Variants in HECA observed in about 807,000 individuals in gnomAD.
HECA encodes headcase protein homolog.
A neutral mutation model predicts 37.6 loss-of-function variants in HECA; 13 were observed. That is an observed-to-expected ratio of 0.35 (90% confidence interval 0.23 to 0.55). The LOEUF (loss-of-function observed/expected upper bound fraction) is 0.55, where lower values mean the gene tolerates loss of function less well. HECA is among the 20% of genes least tolerant of loss of function. HECA has a pLI of 0.90. For synonymous variants in HECA, 307 were observed against 291.5 expected (o/e 1.05, Z -0.54); for missense variants, 527 against 701.9 (o/e 0.75, Z 2.82).
In HECA at chr6:139,177,741, A is replaced by G. The variant is rs1428341809; in HGVS notation, c.*636A>G. On this transcript the variant is annotated 3_prime_UTR_variant, in exon 4 of 4. Transcript: ENST00000367658. The surrounding 1 kb of genome is among the most constrained non-coding windows in gnomAD (Gnocchi z 4.9). ...CATATGAAAGATATTAGTGTTGCAA[A>G]TATGTTTAGGTAAACTGACCTATAA... The G allele has an allele frequency of 6.6e-6, 1 of 152,388 alleles. No individual in the cohort carries two copies. Among genetic ancestry groups the G allele is most frequent in the Non-Finnish European group, 1.5e-5 (1 of 68,046 alleles). The allele number at this position is 152,388 out of a possible 1,614,324, so 9.4% of individuals were successfully genotyped here.
In HECA at chr6:139,180,651, T is replaced by C. The variant is rs1198446771; in HGVS notation, c.*3546T>C. ...TCAGTAAAGATTTCTTGTCAAGATGTCTTGGATTGCACTTTTGTTGAGGAA... is the reference window on the plus strand; with the variant it reads ...TCAGTAAAGATTTCTTGTCAAGATGCCTTGGATTGCACTTTTGTTGAGGAA... On this transcript the variant is annotated 3_prime_UTR_variant, in exon 4 of 4. Coordinates refer to ENST00000367658, the MANE Select transcript of HECA (RefSeq NM_016217.3). The C allele has an allele frequency of 6.6e-6, 1 of 152,658 alleles. No homozygotes were observed. The highest frequency in any genetic ancestry group is 1.5e-5 in the Non-Finnish European group (1 of 68,042). 9.5% of individuals were successfully genotyped at this position (152,658 alleles called of 1,614,324 possible).
intron 1 of HECA, among the ~76,000 whole-genome samples, chr6:139,143,744 C>T (rs1206597433): frequency 1.3e-5 from 2 of 151,808 alleles, no homozygotes; most frequent in Non-Finnish European, 2.9e-5. Flanking sequence ...GCCTGTAATC[C>T]CAGCTACTCG....
intron 1 of HECA, among the ~76,000 whole-genome samples, chr6:139,152,643 T>G (rs1774665301): frequency 6.6e-6 from 1 of 152,166 alleles, no homozygotes; most frequent in African/African-American, 2.4e-5. Context: ...ACAGATAAGC[T>G]TAAGTGATCT....
intron 1 of HECA, among the ~76,000 whole-genome samples, chr6:139,138,726 TTGAG>T (rs774598764): frequency 1.3e-5 from 2 of 152,204 alleles, no homozygotes; most frequent in Admixed American, 6.5e-5. Context: ...GTTGTGCATC[TTGAG>T]TAAGTTTAAT....
chr6:139,154,290 T>C (rs550500197), intron 1 of HECA, among the ~76,000 whole-genome samples: 9 of 152,282 alleles, frequency 5.9e-5, no homozygotes, highest in African/African-American at 1.7e-4. Context: ...CCCACAGATA[T>C]AGAGGACAGA....
At chr6:139,170,362 G>A (rs1774955408) in intron 2 of HECA, 1 of 152,190 alleles carries the variant, frequency 6.6e-6, no homozygotes, top group African/African-American at 2.4e-5. Flanking sequence ...TTTATAAAAT[G>A]TAACTAACTT....
chr6:139,149,624 T>TG (rs1774628086), intron 1 of HECA, among the ~76,000 whole-genome samples: 2 of 152,054 alleles, frequency 1.3e-5, no homozygotes, highest in African/African-American at 2.4e-5. Flanking sequence ...TTCTGCTGCT[T>TG]TGGGGGGAGC....
chr6:139,154,352 C>G (rs1420813010), intron 1 of HECA, among the ~76,000 whole-genome samples: 3 of 149,434 alleles, frequency 2.0e-5, no homozygotes, highest in African/African-American at 7.4e-5. Flanking sequence ...AGAATGTGTG[C>G]TGCACCAAAA....
At chr6:139,174,913 C>T (rs921668898) in intron 3 of HECA, among the ~76,000 whole-genome samples, 3 of 151,976 alleles carry the variant, frequency 2.0e-5, no homozygotes, top group Non-Finnish European at 4.4e-5. Context: ...AGTATATTTT[C>T]TAAGATTCTG....
chr6:139,145,995 T>C (rs145543815), intron 1 of HECA, among the ~76,000 whole-genome samples: 2 of 151,960 alleles, frequency 1.3e-5, no homozygotes, highest in East Asian at 3.9e-4. Context: ...CTCTTTAATT[T>C]TTATGCCACA....
chr6:139,169,896 G>T (rs561358397), intron 2 of HECA: 10 of 152,288 alleles, frequency 6.6e-5, no homozygotes, highest in African/African-American at 2.4e-4. Context: ...CTTTTTGATG[G>T]AAAGTGCTGC....
chr6:139,167,269 C>T lies in HECA; in HGVS notation c.1257C>T (p.Phe419=), dbSNP rs1774904531. ...EQFPLVDGTL[F]LSPSRHDEIE... ...TCCCACTGGTGGATGGAACTTTGTT[C>T]CTAAGCCCGTCGAGACATGATGAGA... Residue 419 remains phenylalanine (F), a synonymous_variant, in exon 2 of 4, where the codon TTC becomes TTT. Transcript: ENST00000367658. 4 of 1,612,790 alleles carry T rather than the reference C, an allele frequency of 2.5e-6. No individual in the cohort carries two copies. Among genetic ancestry groups the T allele is most frequent in the Non-Finnish European group, 2.5e-6 (3 of 1,178,890 alleles).
intron 1 of HECA, among the ~76,000 whole-genome samples, chr6:139,135,974 G>T (rs1398156196): frequency 6.6e-6 from 1 of 152,000 alleles, no homozygotes; most frequent in African/African-American, 2.4e-5. Flanking sequence ...CCCGCCGTGT[G>T]TGCCGGGCCG....
Position 139,167,046 on chromosome 6 carries a change from G to A in HECA, c.1034G>A (p.Arg345Gln). 2.5e-6 allele frequency: 4 copies of A among 1,614,130 alleles called. No homozygotes were observed. The highest frequency in any genetic ancestry group is 3.4e-6 in the Non-Finnish European group (4 of 1,180,010). The change falls in exon 2 of 4, where the codon CGG becomes CAG. Residue 345 changes from arginine to glutamine, a missense_variant. Arg to Gln is a conservative substitution (Grantham distance 43, BLOSUM62 1). Transcript: ENST00000367658. ...TTCGACACCCCCGTGCAGTTCCTTC[G>A]GCGGCTGGACCTCTCCGAACTCCTC... ...GHFDTPVQFL[R>Q]RLDLSELLTH...
intron 1 of HECA, among the ~76,000 whole-genome samples, chr6:139,147,588 T>A (rs1243978799): frequency 1.3e-5 from 2 of 152,178 alleles, no homozygotes; most frequent in African/African-American, 2.4e-5. Flanking sequence ...CTAGCCTGGG[T>A]GACAGAACGA....
chr6:139,138,713 G>T (rs1023881624), intron 1 of HECA, among the ~76,000 whole-genome samples: 2 of 152,152 alleles, frequency 1.3e-5, no homozygotes, highest in African/African-American at 4.8e-5. Context: ...TGAACTGGCT[G>T]CAGTTGTGCA....
intron 1 of HECA, among the ~76,000 whole-genome samples, chr6:139,151,472 T>G (rs1774650159): frequency 5.3e-5 from 1 of 18,768 alleles, no homozygotes; most frequent in African/African-American, 5.5e-4. Flanking sequence ...CTTCTGTTTC[T>G]TCCGGCCGTG....
intron 1 of HECA, among the ~76,000 whole-genome samples, chr6:139,139,624 C>G (rs561737399): frequency 3.3e-4 from 51 of 152,340 alleles, no homozygotes; most frequent in African/African-American, 1.2e-3. Context: ...AGTTGATCCT[C>G]TCTTGGGGGA....
chr6:139,166,449 A>G lies in HECA; in HGVS notation c.437A>G (p.Asn146Ser). The G allele has an allele frequency of 6.2e-7, 1 of 1,614,190 alleles. No individual in the cohort carries two copies. The highest frequency in any genetic ancestry group is 8.5e-7 in the Non-Finnish European group (1 of 1,180,012). ...EWESSILVQF[N>S]CIGRARSWNE... ...GAGAGCAGCATCCTCGTCCAGTTCA[A>G]CTGCATCGGCCGCGCGCGCAGCTGG... The change falls in exon 2 of 4, where the codon AAC (asparagine) becomes AGC (serine). Residue 146 changes from asparagine (N) to serine (S), a missense_variant. Coordinates refer to ENST00000367658, the MANE Select transcript of HECA (RefSeq NM_016217.3).
Sources: gnomAD v4.1 joint callset for allele counts (sites outside exome capture counted in the v4.1 genomes callset) on GRCh38, gnomAD v4.1.1 for gene constraint, Gnocchi (gnomAD v3.1) non-coding constraint, MANE v1.5 for transcripts, NCBI Gene and HGNC (gene_info 2026-07-23, HGNC 2026-07-21) for gene names.